XRCC5: variants seen among roughly 807,000 people sequenced by gnomAD.
XRCC5 encodes the protein DNA repair protein Ku80.
XRCC5 carries 12 observed loss-of-function variants against 95.7 expected under a neutral mutation model. The ratio of observed to expected loss-of-function variants is 0.13; its 90% CI spans 0.08 to 0.20. The LOEUF (loss-of-function observed/expected upper bound fraction) is 0.20, where lower values mean the gene tolerates loss of function less well. Ranked by LOEUF, XRCC5 falls within the 10% of genes least tolerant of loss-of-function variation. The pLI, the probability that XRCC5 is intolerant of heterozygous loss-of-function variation, is 1.00. For missense variants in XRCC5, 595 were observed against 873.9 expected, an observed-to-expected ratio of 0.68 and a Z score of 4.02; for synonymous variants, 281 against 290.3, an observed-to-expected ratio of 0.97 and a Z score of 0.33.
Position 216,121,900 on chromosome 2 carries a change from G to A in XRCC5, c.492-162G>A, listed in dbSNP as rs145266616. ...CCTTTTACAAACCAAAGAGGTTTCAGTCACTTGAAACTGGGAGAATATTGG... is the reference window on the plus strand; with the variant it reads ...CCTTTTACAAACCAAAGAGGTTTCAATCACTTGAAACTGGGAGAATATTGG... On this transcript the variant is annotated intron_variant, in intron 5 of 20. Transcript: ENST00000392132. Among the ~76,000 whole-genome samples the A allele has an allele frequency of 1.6e-3, 242 of 152,300 alleles. 1 individual carries two copies. The highest frequency in any genetic ancestry group is 5.4e-3 in the African/African-American group (226 of 41,562).
chr2:216,194,573 C>G (rs1175587048), intron 18 of XRCC5, among the ~76,000 whole-genome samples: 2 of 152,172 alleles, frequency 1.3e-5, no homozygotes, highest in East Asian at 3.9e-4. Context: ...GCTTATTACA[C>G]AGGCAAAAAC....
chr2:216,128,803 C>A (rs1696934748), intron 8 of XRCC5, among the ~76,000 whole-genome samples: 1 of 152,198 alleles, frequency 6.6e-6, no homozygotes, highest in African/African-American at 2.4e-5. Context: ...CAGCGACCAT[C>A]TTATAAAGCA....
chr2:216,132,164 T>A (rs1490225291), intron 9 of XRCC5, among the ~76,000 whole-genome samples, 161 bp from the exon 10 acceptor site: 1 of 152,232 alleles, frequency 6.6e-6, no homozygotes, highest in Non-Finnish European at 1.5e-5. Context: ...TGCTCAGATA[T>A]TTGTTGTGTT....
intron 17 of XRCC5, 76 bp from the exon 18 acceptor site, chr2:216,192,563 T>G: frequency 5.3e-6 from 5 of 947,416 alleles, no homozygotes; most frequent in Non-Finnish European, 7.7e-6. Flanking sequence ...AGACCAAACT[T>G]TGTTTGGTCT....
chr2:216,129,747 C>T (rs1047934450), intron 8 of XRCC5, among the ~76,000 whole-genome samples: 1 of 152,192 alleles, frequency 6.6e-6, no homozygotes, highest in African/African-American at 2.4e-5. Context: ...GATCTCAGCT[C>T]ACTGCAACCT....
chr2:216,205,192 A>ACATGATATAG lies in XRCC5; in HGVS notation c.2190_2199dup. The ACATGATATAG allele has an allele frequency of 6.2e-7, 1 of 1,613,972 alleles. No homozygotes were observed. Among genetic ancestry groups the ACATGATATAG allele is most frequent in the South Asian group, 1.1e-5 (1 of 91,068 alleles). ...GTGTGTTGTTCTTGTTCACAGTTGG[A>ACATGATATAG]CATGATATAGGTCGTGGATGTATGG... On this transcript the variant is annotated stop_gained and frameshift_variant, in exon 21 of 21. Coordinates refer to ENST00000392132, the MANE Select transcript of XRCC5 (RefSeq NM_021141.4). LOFTEE classifies it high-confidence loss of function.
intron 16 of XRCC5, among the ~76,000 whole-genome samples, chr2:216,187,487 TG>T (rs1689517839): frequency 9.6e-6 from 1 of 104,554 alleles, no homozygotes; most frequent in Non-Finnish European, 1.9e-5. Context: ...TGTGTGTGTG[TG>T]TGTGTGTGTG....
chr2:216,195,580 A>G (rs941516006), intron 19 of XRCC5, among the ~76,000 whole-genome samples: 3 of 151,902 alleles, frequency 2.0e-5, no homozygotes, highest in Non-Finnish European at 4.4e-5. Context: ...GTATTCTAGC[A>G]TAAGGGACAT....
chr2:216,136,713 G>A (rs1697087270), intron 10 of XRCC5, among the ~76,000 whole-genome samples: 1 of 152,114 alleles, frequency 6.6e-6, no homozygotes. Flanking sequence ...ACTAAGCAGT[G>A]GAAACAGCAT....
chr2:216,158,575 C>A (rs1251480794), intron 14 of XRCC5, among the ~76,000 whole-genome samples: 2 of 151,890 alleles, frequency 1.3e-5, no homozygotes, highest in African/African-American at 4.8e-5. Flanking sequence ...TTTTTTCTTT[C>A]ATTTTTCCAC....
Position 216,184,071 on chromosome 2 carries a change from TGTGA to T in XRCC5, c.1835-6153_1835-6150del, listed in dbSNP as rs1160162416. ...GTGTGTGTGTGTGTGTGTGTGTGTG[TGTGA>T]TTTAGAGAAAAAATATTTAAGATAC... On this transcript the variant is annotated intron_variant, in intron 16 of 20. Coordinates refer to ENST00000392132, the MANE Select transcript of XRCC5 (RefSeq NM_021141.4). 9.7e-4 allele frequency among the ~76,000 whole-genome samples: 123 copies of T among 127,348 alleles called. 1 individual carries two copies. The highest frequency in any genetic ancestry group is 3.6e-3 in the Middle Eastern group (1 of 274). 83.5% of individuals were successfully genotyped at this position (127,348 alleles called of 152,430 possible). A position where few individuals can be genotyped will look rare whatever the true frequency, so the allele number is the denominator to read the frequency against.
At chr2:216,153,658 A>G (rs549316115) in intron 14 of XRCC5, among the ~76,000 whole-genome samples, 34 of 152,320 alleles carry the variant, frequency 2.2e-4, no homozygotes, top group African/African-American at 6.7e-4. Context: ...GAGACTCAGG[A>G]TTAGAGAAGA....
intron 14 of XRCC5, chr2:216,156,879 C>A (rs668844): frequency 0.42 from 138,139 of 329,200 alleles, 30,529 homozygotes; most frequent in South Asian, 0.48. Context: ...GCTCGGTGCC[C>A]ACTGGAAGGA....
At chr2:216,153,104 A>C (rs1688775866) in intron 14 of XRCC5, among the ~76,000 whole-genome samples, 1 of 152,154 alleles carries the variant, frequency 6.6e-6, no homozygotes, top group Admixed American at 6.5e-5. Flanking sequence ...TCTATTCTGC[A>C]ACCTTTCTCA....
intron 3 of XRCC5, 139 bp from the exon 4 acceptor site, chr2:216,117,607 G>T (rs1696722964): frequency 1.4e-6 from 1 of 713,994 alleles, no homozygotes; most frequent in South Asian, 1.8e-5. Context: ...AACTTTGGAA[G>T]AAGGGCACTC....
chr2:216,122,044 G>A lies in XRCC5; in HGVS notation c.492-18G>A, dbSNP rs1163494680. The A allele has an allele frequency of 1.2e-6, 2 of 1,601,340 alleles. No individual in the cohort carries two copies. The highest frequency in any genetic ancestry group is 1.7e-5 in the Admixed American group (1 of 58,140). On this transcript the variant is annotated intron_variant, in intron 5 of 20. Coordinates refer to ENST00000392132, the MANE Select transcript of XRCC5 (RefSeq NM_021141.4). The stretch of plus-strand genomic sequence containing the variant: ...TTACAGGATTAGAACACTAACTACT[G>A]TTGATCTTTCTTAATAGCTTGCCTT...
At chr2:216,132,258 C>T in intron 9 of XRCC5, 67 bp from the exon 10 acceptor site, 1 of 1,449,876 alleles carries the variant, frequency 6.9e-7, no homozygotes, top group South Asian at 1.2e-5. Context: ...AATTTCTTGG[C>T]AATGTGTGTC....
At chr2:216,109,499 G>C (rs1274088369) in intron 1 of XRCC5, 42 bp downstream of exon 1, 1 of 1,612,336 alleles carries the variant, frequency 6.2e-7, no homozygotes. Flanking sequence ...CCGGACTGGG[G>C]ATCCGGAGAG....
At chr2:216,109,575 G>A in intron 1 of XRCC5, 118 bp downstream of exon 1, 1 of 1,456,754 alleles carries the variant, frequency 6.9e-7, no homozygotes, top group Non-Finnish European at 9.4e-7. Context: ...AGAAGATCAT[G>A]GTGGTGGGCT....
Sources: allele counts gnomAD v4.1 joint callset (sites outside exome capture counted in the v4.1 genomes callset), GRCh38; gene constraint gnomAD v4.1.1; transcripts MANE v1.5; gene names NCBI Gene and HGNC (gene_info 2026-07-23, HGNC 2026-07-21).